Variants in GDF5 observed in about 807,000 individuals in gnomAD.
GDF5 encodes growth/differentiation factor 5.
A neutral mutation model predicts 34.6 loss-of-function variants in GDF5; 17 were observed. The ratio of observed to expected loss-of-function variants is 0.49; its 90% CI spans 0.34 to 0.74. The LOEUF is 0.74. GDF5 is among the 30% of genes least tolerant of loss of function. The probability of loss-of-function intolerance (pLI) is 0.01; values close to 1 mark genes in which losing one functional copy is unlikely to be tolerated. For missense variants in GDF5, 616 were observed against 661.2 expected (o/e 0.93, Z 0.75); for synonymous variants, 332 against 290.7 (o/e 1.14, Z -1.44).
chr20:35,445,395 T>C (rs931756811), intron 1 of GDF5, among the ~76,000 whole-genome samples: 1 of 151,982 alleles, frequency 6.6e-6, no homozygotes, highest in African/African-American at 2.4e-5. Context: ...CCGGGTGCAG[T>C]GGCTCACGCC....
rs2062462267 is a variant in GDF5, at chr20:35,434,622, G to C, written c.793C>G (p.Leu265Val). 1 of 1,604,512 alleles carries C rather than the reference G, an allele frequency of 6.2e-7. No individual in the cohort carries two copies. Among genetic ancestry groups the C allele is most frequent in the African/African-American group, 1.3e-5 (1 of 74,696 alleles). The change falls in exon 2 of 2, where the codon CTG (leucine) becomes GTG (valine). Residue 265 changes from leucine to valine, a missense_variant. Leu to Val is a conservative substitution (Grantham distance 32). Coordinates refer to ENST00000374369, the MANE Select transcript of GDF5 (RefSeq NM_000557.5). ...TGCCGGCCGCTGGGGCAGCTGGACA[G>C]CTTCAGCTGGGCAGCCCGCCCGCCT... ...PGGGRAAQLKLSSCPSGRQPA... is the reference protein window; with the variant it reads ...PGGGRAAQLKVSSCPSGRQPA...
intron 1 of GDF5, among the ~76,000 whole-genome samples, chr20:35,450,186 A>G (rs962143838): frequency 3.0e-4 from 45 of 150,862 alleles, no homozygotes; most frequent in African/African-American, 1.1e-3. Context: ...GGCGCCTGTA[A>G]TCCCAGCTTC....
rs1474352088 is a variant in GDF5, at chr20:35,433,837, C to T, written c.*72G>A. 1 of 1,257,278 alleles carries T rather than the reference C, an allele frequency of 8.0e-7. No individual in the cohort carries two copies. The highest frequency in any genetic ancestry group is 2.3e-5 in the East Asian group (1 of 43,276). 77.9% of individuals were successfully genotyped at this position (1,257,278 alleles called of 1,614,324 possible). On this transcript the variant is annotated 3_prime_UTR_variant, in exon 2 of 2. Coordinates refer to ENST00000374369, the MANE Select transcript of GDF5 (RefSeq NM_000557.5). ...ATGCTCCTGCCACAGCTTCCTGACCCCTCTGTGATTCCAGGAGTGCAGGAA... is the reference window on the plus strand; with the variant it reads ...ATGCTCCTGCCACAGCTTCCTGACCTCTCTGTGATTCCAGGAGTGCAGGAA...
Position 35,437,995 on chromosome 20 carries a change from C to T in GDF5, c.-67G>A. 1.9e-6 allele frequency: 3 copies of T among 1,586,812 alleles called. No homozygotes were observed. The highest frequency in any genetic ancestry group is 2.6e-6 in the Non-Finnish European group (3 of 1,162,186). On this transcript the variant is annotated 5_prime_UTR_variant, in exon 1 of 2. Transcript: ENST00000374369. ...AGCAGCGAAGGTGCCTCTGGTTTGGCAGGAAAAACCATGAAAGGAGTGGAC... is the reference window on the plus strand; with the variant it reads ...AGCAGCGAAGGTGCCTCTGGTTTGGTAGGAAAAACCATGAAAGGAGTGGAC...
At position 35,434,531 on chromosome 20, in the gene GDF5, T is replaced by A; in HGVS notation, c.884A>T (p.Asp295Val). Reference protein sequence around the residue: ...GLDGSGWEVFDIWKLFRNFKN... With the variant: ...GLDGSGWEVFVIWKLFRNFKN... ...AAAGTTTCGGAAGAGCTTCCAGATG[T>A]CGAACACCTCCCAGCCAGATCCGTC... The change falls in exon 2 of 2, where the codon GAC becomes GTC. Residue 295 changes from aspartate (D) to valine (V), a missense_variant. Transcript: ENST00000374369. 6.2e-7 allele frequency: 1 copy of A among 1,602,254 alleles called. No homozygotes were observed.
intron 1 of GDF5, among the ~76,000 whole-genome samples, chr20:35,449,973 A>G (rs1367466204): frequency 6.6e-6 from 1 of 150,986 alleles, no homozygotes; most frequent in African/African-American, 2.4e-5. Flanking sequence ...TGAGTGAAAG[A>G]GCAAAACCCT....
upstream of GDF5, chr20:35,441,274 C>G: frequency 6.6e-6 from 1 of 152,166 alleles, no homozygotes. Flanking sequence ...TAAATTGCGG[C>G]CAGGCGCAGT....
At chr20:35,448,605 G>A (rs1255021243) in intron 1 of GDF5, among the ~76,000 whole-genome samples, 9 of 151,874 alleles carry the variant, frequency 5.9e-5, no homozygotes, top group Admixed American at 5.9e-4. Flanking sequence ...CACCAGGCCC[G>A]GCTAATTTGT....
chr20:35,438,209 C>T lies in GDF5; in HGVS notation c.-281G>A, dbSNP rs1209262352. The T allele has an allele frequency of 6.0e-6, 3 of 500,604 alleles. No individual in the cohort carries two copies. The highest frequency in any genetic ancestry group is 3.7e-5 in the East Asian group (1 of 27,396). The allele number at this position is 500,604 out of a possible 1,614,324, so 31.0% of individuals were successfully genotyped here. On this transcript the variant is annotated 5_prime_UTR_variant, in exon 1 of 2. Coordinates refer to ENST00000374369, the MANE Select transcript of GDF5 (RefSeq NM_000557.5). ...TTCTTGAAAGGAGAAAGCCGACCGC[C>T]CCCTTTCTCCTGCACAACTGACTGA...
intron 1 of GDF5, among the ~76,000 whole-genome samples, chr20:35,451,092 T>TATACAC (rs1555824851): frequency 7.5e-6 from 1 of 133,520 alleles, no homozygotes; most frequent in African/African-American, 2.6e-5. Flanking sequence ...TATATATATA[T>TATACAC]ACACAAATAT....
chr20:35,439,268 C>T (rs1461359317), upstream of GDF5, among the ~76,000 whole-genome samples: 2 of 145,992 alleles, frequency 1.4e-5, no homozygotes, highest in Non-Finnish European at 3.0e-5. Flanking sequence ...GACGGAGTCT[C>T]GCTCTGTCGA....
intron 1 of GDF5, among the ~76,000 whole-genome samples, chr20:35,451,072 T>TAAATAA (rs1369161560): frequency 2.4e-5 from 1 of 41,402 alleles, no homozygotes; most frequent in East Asian, 4.4e-4. Context: ...AAAATATATA[T>TAAATAA]ATATATATAT....
chr20:35,436,379 C>T (rs577999849), intron 1 of GDF5, among the ~76,000 whole-genome samples: 2 of 151,794 alleles, frequency 1.3e-5, no homozygotes, highest in Non-Finnish European at 2.9e-5. Context: ...CCTCTCCCAC[C>T]CTCTGACCCC....
chr20:35,449,809 C>T (rs573146825), intron 1 of GDF5, among the ~76,000 whole-genome samples: 1 of 152,084 alleles, frequency 6.6e-6, no homozygotes, highest in South Asian at 2.1e-4. Context: ...CACAGTGAGT[C>T]CCCATCTCTA....
Position 35,451,101 on chromosome 20 carries a change from A to T in GDF5, c.-398+3539T>A, listed in dbSNP as rs1272486030. Among the ~76,000 whole-genome samples the T allele has an allele frequency of 2.1e-5, 3 of 139,604 alleles. 1 individual carries two copies. The highest frequency in any genetic ancestry group is 4.8e-5 in the Non-Finnish European group (3 of 62,828). 91.6% of individuals were successfully genotyped at this position (139,604 alleles called of 152,430 possible). ...TATATATATATATATATACACAAAT[A>T]TATATGTAGTGATTTAGCACCTCAT... is the stretch of plus-strand genomic sequence containing the variant. On this transcript the variant is annotated intron_variant, in intron 1 of 3. Transcript: ENST00000374372.
chr20:35,452,062 C>T (rs549801357), intron 1 of GDF5, among the ~76,000 whole-genome samples: 12 of 152,244 alleles, frequency 7.9e-5, no homozygotes, highest in African/African-American at 2.9e-4. Context: ...TTATTGAGAC[C>T]TGTGCATGCA....
chr20:35,454,119 C>T (rs1372829975), intron 1 of GDF5: 2 of 434,428 alleles, frequency 4.6e-6, no homozygotes, highest in Non-Finnish European at 9.6e-6. Flanking sequence ...AAGAGTGAGG[C>T]AGGTAAATGG....
At chr20:35,439,639 A>C (rs1012482095), upstream of GDF5, among the ~76,000 whole-genome samples, 2 of 152,068 alleles carry the variant, frequency 1.3e-5, no homozygotes, top group Non-Finnish European at 2.9e-5. Flanking sequence ...CCTCTGGGGA[A>C]CCTTCGCCGT....
intron 1 of GDF5, among the ~76,000 whole-genome samples, chr20:35,454,364 G>C (rs1014642644): frequency 4.0e-5 from 6 of 151,064 alleles, no homozygotes; most frequent in Non-Finnish European, 7.4e-5. Context: ...TGAGGCAGGA[G>C]AATTACTTGA....
Sources: gnomAD v4.1 joint callset for allele counts (sites outside exome capture counted in the v4.1 genomes callset) on GRCh38, gnomAD v4.1.1 for gene constraint, MANE v1.5 for transcripts, NCBI Gene and HGNC (gene_info 2026-07-23, HGNC 2026-07-21) for gene names.